The following NAALADL2 variants were observed in gnomAD, a reference collection of about 807,000 sequenced individuals.
The protein encoded by NAALADL2 is N-acetylated alpha-linked acidic dipeptidase like 2, also known as inactive N-acetylated-alpha-linked acidic dipeptidase-like protein 2.
In NAALADL2, 76 loss-of-function variants were observed where a neutral mutation model predicts 87.2. The ratio of observed to expected loss-of-function variants is 0.87; its 90% CI spans 0.72 to 1.05. The LOEUF is 1.05. Among genes scored for constraint, NAALADL2 ranks in the 50% least tolerant of loss-of-function variants. The pLI is 0.00. For synonymous variants in NAALADL2, 354 were observed against 331.0 expected (o/e 1.07, Z -0.75); for missense variants, 1,089 against 945.8 (o/e 1.15, Z -1.99).
intron 11 of NAALADL2, among the ~76,000 whole-genome samples, chr3:175,702,609 A>T (rs1435953837): frequency 6.6e-6 from 1 of 152,190 alleles, no homozygotes; most frequent in Non-Finnish European, 1.5e-5. Context: ...CCATTGTAAG[A>T]CACAAAGCAT....
In NAALADL2 at chr3:175,423,051, AT is replaced by A. The variant is rs201372383; in HGVS notation, c.1091-24166del. 5.4e-3 allele frequency among the ~76,000 whole-genome samples: 495 copies of A among 91,452 alleles called. 5 individuals are homozygous for A. The highest frequency in any genetic ancestry group is 0.017 in the African/African-American group (393 of 23,686). The allele number at this position is 91,452 out of a possible 152,430, so 60.0% of individuals were successfully genotyped here. On this transcript the variant is annotated intron_variant, in intron 5 of 13. Coordinates refer to ENST00000454872, the MANE Select transcript of NAALADL2 (RefSeq NM_207015.3). ...AAAATATATATATATATATATATAT[AT>A]TTTTTTTTTTTCCTGAGTTGTAGAA...
chr3:175,498,325 G>A (rs779375300), intron 9 of NAALADL2, among the ~76,000 whole-genome samples: 14 of 152,036 alleles, frequency 9.2e-5, no homozygotes, highest in Non-Finnish European at 1.6e-4. Context: ...ACTCTTCAGC[G>A]CAGTGTATGA....
intron 2 of NAALADL2, among the ~76,000 whole-genome samples, chr3:174,676,084 A>G (rs1048447017): frequency 1.3e-5 from 2 of 152,048 alleles, no homozygotes; most frequent in Admixed American, 6.6e-5. Flanking sequence ...GTTGATAGCC[A>G]CTTTGGTTTT....
chr3:175,401,998 A>G (rs1770621781), intron 5 of NAALADL2, among the ~76,000 whole-genome samples: 1 of 152,044 alleles, frequency 6.6e-6, no homozygotes, highest in Non-Finnish European at 1.5e-5. Context: ...AGGCACTTAT[A>G]TCTTCTCTTT....
chr3:175,737,252 T>C (rs561612491), intron 11 of NAALADL2, 54 bp from the exon 12 acceptor site: 1 of 1,037,900 alleles, frequency 9.6e-7, no homozygotes, highest in Non-Finnish European at 1.5e-6. Flanking sequence ...AACAAACAAA[T>C]GAAAACTCCT....
chr3:175,206,599 A>G (rs79807578), intron 2 of NAALADL2, among the ~76,000 whole-genome samples: 13,177 of 151,826 alleles, frequency 0.087, 683 homozygotes, highest in East Asian at 0.15. Context: ...CTACAAATAC[A>G]GTTCAGTGTA....
chr3:175,789,081 T>C (rs1752468150), intron 13 of NAALADL2, among the ~76,000 whole-genome samples: 1 of 152,190 alleles, frequency 6.6e-6, no homozygotes, highest in Non-Finnish European at 1.5e-5. Flanking sequence ...TAGCCAAATA[T>C]GCAGAAGACC....
At chr3:174,798,019 A>G (rs1718343083) in intron 3 of NAALADL2, among the ~76,000 whole-genome samples, 1 of 95,430 alleles carries the variant, frequency 1.0e-5, no homozygotes. Flanking sequence ...ATCTATAATC[A>G]GTTAGTTTTT....
chr3:175,426,561 A>G (rs536091317), intron 5 of NAALADL2, among the ~76,000 whole-genome samples: 17 of 152,278 alleles, frequency 1.1e-4, no homozygotes, highest in African/African-American at 3.6e-4. Context: ...GGGTATGCAC[A>G]GGTATGTAGT....
chr3:175,468,185 A>G (rs1188577983), intron 8 of NAALADL2, among the ~76,000 whole-genome samples: 4 of 152,158 alleles, frequency 2.6e-5, no homozygotes, highest in East Asian at 3.8e-4. Context: ...AATTTGAAGT[A>G]AAGAATAGAC....
intron 4 of NAALADL2, among the ~76,000 whole-genome samples, chr3:175,267,352 C>T (rs890745591): frequency 3.3e-5 from 5 of 151,960 alleles, no homozygotes; most frequent in African/African-American, 1.2e-4. Flanking sequence ...AAGGAACACA[C>T]CCTAATAAGG....
intron 11 of NAALADL2, among the ~76,000 whole-genome samples, chr3:175,683,085 T>C (rs1351123355): frequency 1.3e-5 from 2 of 151,938 alleles, no homozygotes; most frequent in East Asian, 3.9e-4. Flanking sequence ...AACAGAAAAT[T>C]GTGAGAGGTC....
chr3:175,418,266 A>G (rs150021512), intron 5 of NAALADL2, among the ~76,000 whole-genome samples: 77 of 152,304 alleles, frequency 5.1e-4, no homozygotes, highest in African/African-American at 1.8e-3. Context: ...TCAAGGCAGG[A>G]GCAAGAAGCT....
chr3:174,985,681 A>G (rs1745758124), intron 1 of NAALADL2, among the ~76,000 whole-genome samples: 1 of 152,156 alleles, frequency 6.6e-6, no homozygotes. Context: ...GGTTGGGCGC[A>G]ATGGCTCACA....
chr3:175,266,266 A>G (rs1188443531), intron 4 of NAALADL2, among the ~76,000 whole-genome samples: 2 of 151,250 alleles, frequency 1.3e-5, no homozygotes, highest in African/African-American at 4.8e-5. Context: ...TTATTTAAAT[A>G]TTTTAATCAT....
At chr3:175,305,684 G>A (rs989259267) in intron 4 of NAALADL2, among the ~76,000 whole-genome samples, 22 of 151,832 alleles carry the variant, frequency 1.4e-4, no homozygotes, top group Non-Finnish European at 2.4e-4. Flanking sequence ...CACCACGCCC[G>A]GCTAATTTTG....
chr3:175,739,470 G>T (rs1163613057), intron 12 of NAALADL2, among the ~76,000 whole-genome samples: 3 of 152,218 alleles, frequency 2.0e-5, no homozygotes, highest in Non-Finnish European at 4.4e-5. Flanking sequence ...TCAAAAAAAT[G>T]ACCTATTGGG....
At chr3:175,792,624 A>G (rs1047366777) in intron 13 of NAALADL2, among the ~76,000 whole-genome samples, 1 of 152,162 alleles carries the variant, frequency 6.6e-6, no homozygotes, top group Non-Finnish European at 1.5e-5. Flanking sequence ...GAGAATGTCT[A>G]TGTGTTTTTC....
At chr3:174,490,785 T>C (rs1184755509) in intron 1 of NAALADL2, among the ~76,000 whole-genome samples, 4 of 152,030 alleles carry the variant, frequency 2.6e-5, no homozygotes, top group Admixed American at 2.0e-4. Flanking sequence ...GGGTATTTTA[T>C]TGGGTGAAGG....
Sources: gnomAD v4.1 joint callset for allele counts (sites outside exome capture counted in the v4.1 genomes callset) on GRCh38, gnomAD v4.1.1 for gene constraint, MANE v1.5 for transcripts, NCBI Gene and HGNC (gene_info 2026-07-23, HGNC 2026-07-21) for gene names.